Variants in HS3ST4 observed in about 807,000 individuals in gnomAD.
HS3ST4 encodes heparan sulfate glucosamine 3-O-sulfotransferase 4.
A neutral mutation model predicts 29.2 loss-of-function variants in HS3ST4; 17 were observed. That is an observed-to-expected ratio of 0.58 (90% CI 0.40 to 0.87). The LOEUF (loss-of-function observed/expected upper bound fraction) is 0.87. Among genes scored for constraint, HS3ST4 ranks in the 40% least tolerant of loss-of-function variants. The pLI, the probability that HS3ST4 is intolerant of heterozygous loss-of-function variation, is 0.00. For synonymous variants in HS3ST4, 314 were observed against 285.7 expected (o/e 1.10, Z -1.00); for missense variants, 627 against 634.5 (o/e 0.99, Z 0.13).
intron 1 of HS3ST4, among the ~76,000 whole-genome samples, chr16:25,940,463 C>G (rs1968561801): frequency 6.6e-6 from 1 of 152,186 alleles, no homozygotes; most frequent in African/African-American, 2.4e-5. Context: ...CAAAGCATAA[C>G]TGAACATGGT....
chr16:25,710,918 G>A (rs1358524435), intron 1 of HS3ST4, among the ~76,000 whole-genome samples: 1 of 142,130 alleles, frequency 7.0e-6, no homozygotes, highest in Middle Eastern at 3.6e-3. Flanking sequence ...CTGGGCTCAA[G>A]TGATCCTCCA....
At chr16:25,965,504 T>G (rs1383424633) in intron 1 of HS3ST4, among the ~76,000 whole-genome samples, 1 of 152,106 alleles carries the variant, frequency 6.6e-6, no homozygotes. Flanking sequence ...GAATTCTCAA[T>G]GTTTGGTATT....
intron 1 of HS3ST4, among the ~76,000 whole-genome samples, chr16:26,054,168 T>C (rs1898378557): frequency 6.6e-6 from 1 of 151,918 alleles, no homozygotes; most frequent in African/African-American, 2.4e-5. Flanking sequence ...TTGTGAAGGG[T>C]ATCTCCTCAG....
chr16:26,029,063 A>C (rs1969507049), intron 1 of HS3ST4: 1 of 152,210 alleles, frequency 6.6e-6, no homozygotes, highest in South Asian at 2.1e-4. Flanking sequence ...CACATCAACT[A>C]TTACTTGTTG....
At chr16:25,887,194 G>C (rs1967962380) in intron 1 of HS3ST4, among the ~76,000 whole-genome samples, 1 of 152,164 alleles carries the variant, frequency 6.6e-6, no homozygotes. Context: ...AGCTGATGGG[G>C]AATTTGAGGA....
intron 1 of HS3ST4, among the ~76,000 whole-genome samples, chr16:25,866,238 C>T (rs974154399): frequency 6.6e-6 from 1 of 152,196 alleles, no homozygotes; most frequent in African/African-American, 2.4e-5. Flanking sequence ...ATGACCCAGA[C>T]TTCATATGTG....
At chr16:25,851,361 A>G (rs986614484) in intron 1 of HS3ST4, among the ~76,000 whole-genome samples, 16 of 152,078 alleles carry the variant, frequency 1.1e-4, no homozygotes, top group Non-Finnish European at 2.2e-4. Context: ...CTCTATGAGC[A>G]TTCCTTCTTA....
intron 1 of HS3ST4, among the ~76,000 whole-genome samples, chr16:26,045,988 T>C (rs1294178514): frequency 6.6e-6 from 1 of 152,198 alleles, no homozygotes; most frequent in Admixed American, 6.5e-5. Flanking sequence ...TGAAACTTTA[T>C]GGAGACCATA....
rs1966463103 is a variant in HS3ST4 at position 25,717,513 on chromosome 16, GTGT to G, written c.734+24363_734+24365del. ...AAGGATGAGTAGAAGGTGAAGGGGT[GTGT>G]GTGTGTGTGTGTGTGTGTGTGTGTG... is the stretch of plus-strand genomic sequence containing the variant. On this transcript the variant is annotated intron_variant, in intron 1 of 1. Transcript: ENST00000331351. 6.3e-3 allele frequency among the ~76,000 whole-genome samples: 287 copies of G among 45,306 alleles called. 1 individual carries two copies. The highest frequency in any genetic ancestry group is 0.028 in the African/African-American group (275 of 9,848). The allele number at this position is 45,306 out of a possible 152,430, so 29.7% of individuals were successfully genotyped here.
chr16:25,928,385 G>A (rs1968430855), intron 1 of HS3ST4, among the ~76,000 whole-genome samples: 1 of 151,914 alleles, frequency 6.6e-6, no homozygotes, highest in African/African-American at 2.4e-5. Context: ...TAAAATAGAA[G>A]GAAACATGCA....
intron 1 of HS3ST4, among the ~76,000 whole-genome samples, chr16:26,073,088 G>T (rs763142196): frequency 6.6e-6 from 1 of 152,182 alleles, no homozygotes; most frequent in Non-Finnish European, 1.5e-5. Context: ...ATAGTAAACA[G>T]CATTACCATT....
intron 1 of HS3ST4, among the ~76,000 whole-genome samples, chr16:25,696,454 C>T (rs1021152039): frequency 2.6e-5 from 4 of 151,928 alleles, no homozygotes; most frequent in Non-Finnish European, 4.4e-5. Context: ...ACACTGGAAA[C>T]CATTCAGCCC....
At chr16:26,049,659 A>G (rs994756883) in intron 1 of HS3ST4, among the ~76,000 whole-genome samples, 2 of 152,074 alleles carry the variant, frequency 1.3e-5, no homozygotes, top group East Asian at 1.9e-4. Context: ...ACGACCACCA[A>G]TTCCATTCTG....
Position 25,877,737 on chromosome 16 carries a change from G to T in HS3ST4, c.734+184586G>T, listed in dbSNP as rs548878205. 2.7e-3 allele frequency among the ~76,000 whole-genome samples: 414 copies of T among 152,142 alleles called. 1 individual carries two copies. The highest frequency in any genetic ancestry group is 9.1e-3 in the African/African-American group (377 of 41,524). On this transcript the variant is annotated intron_variant, in intron 1 of 1. Transcript: ENST00000331351. ...ATTGTTTTAAGCCACCCAGTTTGTG[G>T]TTTTTTGCTGCAGCAGCTCTAGGAA... is the stretch of plus-strand genomic sequence containing the variant.
intron 1 of HS3ST4, among the ~76,000 whole-genome samples, chr16:25,777,155 A>C (rs867031767): frequency 6.6e-6 from 1 of 152,286 alleles, no homozygotes; most frequent in Middle Eastern, 3.4e-3. Context: ...TGACTCACGC[A>C]CATTAATCTC....
At chr16:25,932,282 G>A (rs887903173) in intron 1 of HS3ST4, among the ~76,000 whole-genome samples, 1 of 152,188 alleles carries the variant, frequency 6.6e-6, no homozygotes, top group African/African-American at 2.4e-5. Flanking sequence ...CCACGGCACT[G>A]CAGCCTGGCT....
At chr16:25,908,317 C>T (rs1968199578) in intron 1 of HS3ST4, among the ~76,000 whole-genome samples, 1 of 152,184 alleles carries the variant, frequency 6.6e-6, no homozygotes, top group Non-Finnish European at 1.5e-5. Context: ...CATGAACTGA[C>T]CCTTCCTTCC....
chr16:26,135,481 A>C, intron 1 of HS3ST4, 131 bp from the exon 2 acceptor site: 7 of 857,506 alleles, frequency 8.2e-6, no homozygotes, highest in Non-Finnish European at 1.2e-5. Context: ...GGTAAGAAGA[A>C]CTTGCAAGAG....
At chr16:25,856,149 G>C (rs924153833) in intron 1 of HS3ST4, among the ~76,000 whole-genome samples, 2 of 152,096 alleles carry the variant, frequency 1.3e-5, no homozygotes, top group Admixed American at 6.6e-5. Flanking sequence ...ACTAAATTGT[G>C]GTGGATGCCC....
Sources: gnomAD v4.1 joint callset for allele counts (sites outside exome capture counted in the v4.1 genomes callset) on GRCh38, gnomAD v4.1.1 for gene constraint, MANE v1.5 for transcripts, NCBI Gene and HGNC (gene_info 2026-07-23, HGNC 2026-07-21) for gene names.